Variants in GEMIN7 observed in about 807,000 individuals in gnomAD.
GEMIN7 encodes gem nuclear organelle associated protein 7, also known as gem-associated protein 7.
In GEMIN7, 7 loss-of-function variants were observed where a neutral mutation model predicts 7.8. The observed-to-expected ratio is 0.90, with a 90% CI of 0.51 to 1.69. The LOEUF (loss-of-function observed/expected upper bound fraction) is 1.69, where lower values mean the gene tolerates loss of function less well. Among genes scored for constraint, GEMIN7 ranks in the 40% most tolerant of loss-of-function variants. The probability of loss-of-function intolerance (pLI) is 0.00; values close to 1 mark genes in which losing one functional copy is unlikely to be tolerated. For synonymous variants in GEMIN7, 68 were observed against 72.4 expected, an observed-to-expected ratio of 0.94 and a Z score of 0.31; for missense variants, 159 against 176.2, an observed-to-expected ratio of 0.90 and a Z score of 0.55.
chr19:45,084,479 T>G (rs927408460), intron 2 of GEMIN7, among the ~76,000 whole-genome samples: 2 of 152,210 alleles, frequency 1.3e-5, no homozygotes, highest in Admixed American at 1.3e-4. Context: ...CTCAGCTCAC[T>G]GCAGCCTCTG....
At chr19:45,082,786 AT>A (rs35129433) in intron 2 of GEMIN7, among the ~76,000 whole-genome samples, 118 of 138,366 alleles carry the variant, frequency 8.5e-4, no homozygotes, top group South Asian at 8.2e-3. Context: ...TGCCCAGCTA[AT>A]TTTTTTTTTT....
intron 1 of GEMIN7, 54 bp downstream of exon 1, chr19:45,079,431 C>T (rs2122646791): frequency 6.6e-6 from 1 of 152,418 alleles, no homozygotes; most frequent in Middle Eastern, 3.4e-3. Flanking sequence ...CCCAGACGCT[C>T]CTATCAGGGA....
rs76353913 is a variant in GEMIN7 at position 45,086,281 on chromosome 19, A to G, written c.-8-3826A>G. 5.0e-3 allele frequency among the ~76,000 whole-genome samples: 762 copies of G among 152,054 alleles called. 5 individuals are homozygous for G. The highest frequency in any genetic ancestry group is 0.018 in the African/African-American group (739 of 41,460). ...CTGTCTCCAAAAAAGGAAAAAAAAG[A>G]AACAGGACAATTTCAATCACCTCCC... On this transcript the variant is annotated intron_variant, in intron 2 of 2. Transcript: ENST00000270257.
rs775037063 is a variant in GEMIN7 at position 45,090,474 on chromosome 19, A to G, written c.360A>G (p.Arg120=). ...GTGTGCAAGCAGAGGCGCTGCTCCG[A>G]TGTAGTGACATTATTTCATATACCT... ...PIGVQAEALL[R]CSDIISYTFK... Residue 120 remains arginine (R), a synonymous_variant, in exon 3 of 3, where the codon CGA becomes CGG. Transcript: ENST00000270257. 2 of 1,612,690 alleles carry G rather than the reference A, an allele frequency of 1.2e-6. No individual in the cohort carries two copies. The highest frequency in any genetic ancestry group is 1.7e-6 in the Non-Finnish European group (2 of 1,179,096).
At chr19:45,077,031 G>A (rs1967368725), upstream of GEMIN7, among the ~76,000 whole-genome samples, 2 of 152,276 alleles carry the variant, frequency 1.3e-5, no homozygotes, top group Non-Finnish European at 1.5e-5. Flanking sequence ...AAGGCGGAGA[G>A]GGTTACTGGG....
chr19:45,077,246 T>C (rs1967373554), upstream of GEMIN7, among the ~76,000 whole-genome samples: 1 of 152,314 alleles, frequency 6.6e-6, no homozygotes, highest in Non-Finnish European at 1.5e-5. Context: ...TTGGTTTTCC[T>C]GAGACCGGAG....
intron 2 of GEMIN7, among the ~76,000 whole-genome samples, chr19:45,086,646 A>G (rs956737466): frequency 1.3e-5 from 2 of 152,176 alleles, no homozygotes; most frequent in African/African-American, 4.8e-5. Flanking sequence ...TCACACAGCA[A>G]TACTAACAAT....
At chr19:45,075,910 G>A, upstream of GEMIN7, 1 of 1,608,516 alleles carries the variant, frequency 6.2e-7, no homozygotes, top group Middle Eastern at 1.9e-4. Context: ...CCAGGATGGG[G>A]GCTGAGGGTG....
chr19:45,080,753 C>A (rs942599116), intron 2 of GEMIN7, among the ~76,000 whole-genome samples: 1 of 142,930 alleles, frequency 7.0e-6, no homozygotes, highest in Non-Finnish European at 1.5e-5. Flanking sequence ...GACCAAATCT[C>A]CCTTGTTTTT....
upstream of GEMIN7, chr19:45,076,184 C>T (rs1406684163): frequency 6.7e-7 from 1 of 1,500,592 alleles, no homozygotes; most frequent in Non-Finnish European, 8.9e-7. This position sits in a 1 kb window ranked among gnomAD's most constrained non-coding sequence, Gnocchi z 4.9. Flanking sequence ...TGGGGTTCGC[C>T]GCCGAACCGC....
At chr19:45,081,813 G>A (rs1967514236) in intron 2 of GEMIN7, among the ~76,000 whole-genome samples, 1 of 152,046 alleles carries the variant, frequency 6.6e-6, no homozygotes, top group Admixed American at 6.6e-5. Context: ...TTTTAGTAGA[G>A]AGAGGTTTCA....
chr19:45,076,359 C>T, upstream of GEMIN7: 1 of 1,350,520 alleles, frequency 7.4e-7, no homozygotes, highest in Non-Finnish European at 9.5e-7. This position sits in a 1 kb window ranked among gnomAD's most constrained non-coding sequence, Gnocchi z 4.9. Context: ...CGCTGCCGGC[C>T]TTGCGGCGGG....
upstream of GEMIN7, chr19:45,075,698 C>T: frequency 6.2e-7 from 1 of 1,612,444 alleles, no homozygotes; most frequent in Non-Finnish European, 8.5e-7. Context: ...GGGGACTGCA[C>T]CCGGCTTTAC....
At position 45,089,005 on chromosome 19, in the gene GEMIN7, G is replaced by A. The variant is rs146607121; in HGVS notation, c.-8-1102G>A. 2.7e-5 allele frequency among the ~76,000 whole-genome samples: 4 copies of A among 149,588 alleles called. No homozygotes were observed. In the East Asian group the frequency reaches 5.9e-4, roughly 22 times the overall value. ...CGCCCAGGCTAGAGTGCTGTGGTGCGATCTCTGCTCACTGCAGCCTCCGCC... is the reference window on the plus strand; with the variant it reads ...CGCCCAGGCTAGAGTGCTGTGGTGCAATCTCTGCTCACTGCAGCCTCCGCC... On this transcript the variant is annotated intron_variant, in intron 2 of 2. Coordinates refer to ENST00000270257, the MANE Select transcript of GEMIN7 (RefSeq NM_024707.3).
chr19:45,086,227 C>A (rs1410598981), intron 2 of GEMIN7, among the ~76,000 whole-genome samples: 2 of 151,824 alleles, frequency 1.3e-5, no homozygotes, highest in Admixed American at 6.6e-5. Flanking sequence ...GGCACCACTG[C>A]ACTCCGGCCT....
rs554324030 is a variant in GEMIN7 at position 45,089,971 on chromosome 19, T to C, written c.-8-136T>C. ...GCCATTGGGGGACGATGGCACAGAT[T>C]TTAGGAGGGTGGATCAGTCTGGGGC... On this transcript the variant is annotated intron_variant, in intron 2 of 2. Transcript: ENST00000270257. The C allele has an allele frequency of 1.1e-4, 92 of 875,684 alleles. No individual in the cohort carries two copies. The South Asian group carries it at 1.5e-3, about 14-fold the overall frequency. 54.2% of individuals were successfully genotyped at this position (875,684 alleles called of 1,614,324 possible). A position where few individuals can be genotyped will look rare whatever the true frequency, so the allele number is the denominator to read the frequency against.
chr19:45,082,340 C>T (rs1003909662), intron 2 of GEMIN7, among the ~76,000 whole-genome samples: 10 of 152,172 alleles, frequency 6.6e-5, no homozygotes, highest in African/African-American at 2.2e-4. Context: ...TATGCTCAAA[C>T]GTAATCTTAT....
At chr19:45,075,954 G>A, upstream of GEMIN7, 1 of 1,590,052 alleles carries the variant, frequency 6.3e-7, no homozygotes, top group Non-Finnish European at 8.6e-7. Flanking sequence ...GTCAGAAGGG[G>A]GCCTGAGGGG....
chr19:45,086,866 G>A lies in GEMIN7; in HGVS notation c.-8-3241G>A, dbSNP rs118062675. Among the ~76,000 whole-genome samples the A allele has an allele frequency of 9.1e-3, 1,342 of 147,234 alleles. 16 individuals are homozygous for A. Among genetic ancestry groups the A allele is most frequent in the Non-Finnish European group, 0.014 (940 of 67,118 alleles). On this transcript the variant is annotated intron_variant, in intron 2 of 2. Transcript: ENST00000270257. ...TGTTTTTTGTTTGTTTGTTTTTTTCGAGATGAGTCTTGCTCTGTCGCCCAG... is the reference window on the plus strand; with the variant it reads ...TGTTTTTTGTTTGTTTGTTTTTTTCAAGATGAGTCTTGCTCTGTCGCCCAG...
Sources: gnomAD v4.1 joint callset for allele counts (sites outside exome capture counted in the v4.1 genomes callset) on GRCh38, gnomAD v4.1.1 for gene constraint, Gnocchi (gnomAD v3.1) non-coding constraint, MANE v1.5 for transcripts, NCBI Gene and HGNC (gene_info 2026-07-23, HGNC 2026-07-21) for gene names.